The following PLXNA4 variants were observed in gnomAD, a reference collection of about 807,000 sequenced individuals.
The protein encoded by PLXNA4 is plexin A4, also known as plexin-A4.
PLXNA4 carries 44 observed loss-of-function variants against 191.8 expected under a neutral mutation model. The observed-to-expected ratio is 0.23, with a 90% CI of 0.18 to 0.29. The LOEUF (loss-of-function observed/expected upper bound fraction) is 0.29, where lower values mean the gene tolerates loss of function less well. Among genes scored for constraint, PLXNA4 ranks in the 10% least tolerant of loss-of-function variants. The pLI is 1.00. For synonymous variants in PLXNA4, 1,082 were observed against 1,009.5 expected, an observed-to-expected ratio of 1.07 and a Z score of -1.36; for missense variants, 1,800 against 2,488.8, an observed-to-expected ratio of 0.72 and a Z score of 5.89.
At chr7:132,278,603 C>T (rs1429422683) in intron 4 of PLXNA4, among the ~76,000 whole-genome samples, 4 of 152,200 alleles carry the variant, frequency 2.6e-5, no homozygotes, top group Non-Finnish European at 5.9e-5. Flanking sequence ...CAGGGGTTCT[C>T]AGGGCAGCGA....
intron 3 of PLXNA4, among the ~76,000 whole-genome samples, chr7:132,359,584 A>G (rs1012063629): frequency 6.6e-6 from 1 of 152,206 alleles, no homozygotes; most frequent in Non-Finnish European, 1.5e-5. Context: ...GAAATAATAC[A>G]TGTAAACATA....
At chr7:132,415,883 C>A (rs2117116262) in intron 3 of PLXNA4, among the ~76,000 whole-genome samples, 1 of 152,250 alleles carries the variant, frequency 6.6e-6, no homozygotes, top group African/African-American at 2.4e-5. Flanking sequence ...CAAATTTAAC[C>A]AATGATTTAG....
At chr7:132,236,698 C>T (rs938264308) in intron 5 of PLXNA4, among the ~76,000 whole-genome samples, 5 of 152,098 alleles carry the variant, frequency 3.3e-5, no homozygotes, top group South Asian at 4.2e-4. Context: ...GAGAGATCTA[C>T]GGACAAATTT....
intron 2 of PLXNA4, among the ~76,000 whole-genome samples, chr7:132,595,640 G>GCCC (rs1194198897): frequency 6.6e-6 from 1 of 152,136 alleles, no homozygotes; most frequent in African/African-American, 2.4e-5. Flanking sequence ...AGATACACTG[G>GCCC]CCCAACCTGA....
At chr7:132,301,584 A>G (rs896525015) in intron 3 of PLXNA4, among the ~76,000 whole-genome samples, 16 of 152,188 alleles carry the variant, frequency 1.1e-4, no homozygotes, top group Admixed American at 9.2e-4. Flanking sequence ...TCATGCTTCT[A>G]TGAGTTCACA....
intron 15 of PLXNA4, 90 bp from the exon 16 acceptor site, chr7:132,185,553 G>C: frequency 6.7e-7 from 1 of 1,499,206 alleles, no homozygotes; most frequent in Non-Finnish European, 8.9e-7. Context: ...CTCCCTGCAT[G>C]TCAGGATGCT....
At chr7:132,424,446 G>A (rs1794963655) in intron 3 of PLXNA4, among the ~76,000 whole-genome samples, 1 of 152,186 alleles carries the variant, frequency 6.6e-6, no homozygotes, top group African/African-American at 2.4e-5. Context: ...GTCCAACCAG[G>A]CTGATGTCGT....
chr7:132,530,301 A>T (rs1465214520), intron 1 of PLXNA4, among the ~76,000 whole-genome samples: 2 of 152,240 alleles, frequency 1.3e-5, no homozygotes, highest in African/African-American at 4.8e-5. Flanking sequence ...AACTGTATTT[A>T]AAAATAGACC....
intron 2 of PLXNA4, among the ~76,000 whole-genome samples, chr7:132,641,000 G>C (rs537126884): frequency 3.9e-4 from 59 of 152,294 alleles, no homozygotes; most frequent in Middle Eastern, 3.4e-3. Context: ...CTTGAAAATG[G>C]CACCACGGAT....
intron 3 of PLXNA4, among the ~76,000 whole-genome samples, chr7:132,471,108 G>A (rs967310478): frequency 2.6e-5 from 4 of 152,236 alleles, no homozygotes; most frequent in Non-Finnish European, 5.9e-5. Flanking sequence ...GAGTTCTCTC[G>A]AGATTTTGTT....
At chr7:132,646,710 A>C (rs554723637) in intron 1 of PLXNA4, among the ~76,000 whole-genome samples, 144 of 152,172 alleles carry the variant, frequency 9.5e-4, no homozygotes, top group Admixed American at 2.6e-3. Flanking sequence ...TCTGAGCCCT[A>C]CTGGTGGGCT....
intron 3 of PLXNA4, among the ~76,000 whole-genome samples, chr7:132,460,031 T>A (rs156944): frequency 4.0e-5 from 6 of 151,674 alleles, no homozygotes; most frequent in African/African-American, 9.7e-5. Flanking sequence ...AGAATACTTA[T>A]GGCTGTGTAC....
chr7:132,463,772 T>A (rs1281060574), intron 3 of PLXNA4, among the ~76,000 whole-genome samples: 1 of 152,238 alleles, frequency 6.6e-6, no homozygotes. Context: ...TTCACAAAGA[T>A]GCTGCAAGCC....
intron 3 of PLXNA4, among the ~76,000 whole-genome samples, chr7:132,483,866 T>C (rs156924): frequency 0.99 from 151,486 of 152,360 alleles, 75,313 homozygotes; most frequent in Non-Finnish European, 1. Context: ...CAGGAGGAAG[T>C]CAGGAGGAGA....
intron 2 of PLXNA4, among the ~76,000 whole-genome samples, chr7:132,634,016 A>G (rs1803545785): frequency 6.6e-6 from 1 of 151,872 alleles, no homozygotes; most frequent in Non-Finnish European, 1.5e-5. Context: ...GACAGCAATA[A>G]CTTAAACATA....
intron 3 of PLXNA4, among the ~76,000 whole-genome samples, chr7:132,332,742 C>G (rs996267899): frequency 6.6e-6 from 1 of 151,732 alleles, no homozygotes; most frequent in Non-Finnish European, 1.5e-5. Context: ...GGCCTGTAGT[C>G]CCAGCTACTC....
At chr7:132,331,531 C>T (rs1585001746) in intron 3 of PLXNA4, among the ~76,000 whole-genome samples, 1 of 152,254 alleles carries the variant, frequency 6.6e-6, no homozygotes, top group Middle Eastern at 3.2e-3. Context: ...CAGCATCTCT[C>T]TCAATTGCTT....
intron 1 of PLXNA4, among the ~76,000 whole-genome samples, chr7:132,551,261 G>A (rs1295871346): frequency 6.6e-6 from 1 of 152,132 alleles, no homozygotes; most frequent in East Asian, 1.9e-4. Flanking sequence ...AGATACAGAA[G>A]AGCCAGTGGG....
chr7:132,553,973 C>G (rs139262631), intron 1 of PLXNA4, among the ~76,000 whole-genome samples: 109 of 152,164 alleles, frequency 7.2e-4, no homozygotes, highest in Non-Finnish European at 2.4e-4. Context: ...ATACACACTA[C>G]AGTGTATATC....
Sources: gnomAD v4.1 joint callset for allele counts (sites outside exome capture counted in the v4.1 genomes callset) on GRCh38, gnomAD v4.1.1 for gene constraint, MANE v1.5 for transcripts, NCBI Gene and HGNC (gene_info 2026-07-23, HGNC 2026-07-21) for gene names.